SNX29: variants seen among roughly 807,000 people sequenced by gnomAD.
SNX29 encodes sorting nexin 29.
A neutral mutation model predicts 102.1 loss-of-function variants in SNX29; 78 were observed. The observed-to-expected ratio is 0.76, with a 90% CI of 0.64 to 0.92. SNX29 has a LOEUF of 0.92. Among genes scored for constraint, SNX29 ranks in the 40% least tolerant of loss-of-function variants. The pLI, the probability that SNX29 is intolerant of heterozygous loss-of-function variation, is 0.00. For missense variants in SNX29, 1,280 were observed against 1,061.7 expected, an observed-to-expected ratio of 1.21 and a Z score of -2.86; for synonymous variants, 580 against 414.5, an observed-to-expected ratio of 1.40 and a Z score of -4.85.
At chr16:12,390,021 A>C (rs922156556) in intron 16 of SNX29, among the ~76,000 whole-genome samples, 2 of 152,220 alleles carry the variant, frequency 1.3e-5, no homozygotes, top group African/African-American at 4.8e-5. Context: ...CTATATTGGT[A>C]GCTTCAGCCT....
At chr16:11,989,252 C>T (rs936917344) in intron 1 of SNX29, among the ~76,000 whole-genome samples, 2 of 152,142 alleles carry the variant, frequency 1.3e-5, no homozygotes, top group East Asian at 1.9e-4. Flanking sequence ...GGATTACAGA[C>T]GTGAGCCATG....
intron 16 of SNX29, among the ~76,000 whole-genome samples, chr16:12,395,810 G>C (rs1201932477): frequency 6.7e-6 from 1 of 148,848 alleles, no homozygotes. Flanking sequence ...ATATAAAATA[G>C]AATCAGCTCT....
At chr16:12,396,785 T>G (rs1364868559) in intron 16 of SNX29, among the ~76,000 whole-genome samples, 2 of 152,228 alleles carry the variant, frequency 1.3e-5, no homozygotes, top group African/African-American at 4.8e-5. Flanking sequence ...GGTATTTGAT[T>G]ACTTAGTAAT....
At chr16:12,540,522 A>G (rs2077283915) in intron 20 of SNX29, among the ~76,000 whole-genome samples, 1 of 152,176 alleles carries the variant, frequency 6.6e-6, no homozygotes. Context: ...GTGGGGCAGA[A>G]TTTGTTTCGC....
intron 13 of SNX29, among the ~76,000 whole-genome samples, chr16:12,157,224 A>C (rs11642867): frequency 2.6e-5 from 4 of 152,024 alleles, no homozygotes; most frequent in African/African-American, 7.3e-5. Context: ...TTGTCCCCTC[A>C]AGGTGCTGGC....
intron 15 of SNX29, among the ~76,000 whole-genome samples, chr16:12,309,011 C>A (rs2080442473): frequency 6.6e-6 from 1 of 152,178 alleles, no homozygotes; most frequent in Admixed American, 6.5e-5. Flanking sequence ...CAAAGGAAAC[C>A]TCACTTTGAG....
chr16:12,435,421 C>T (rs1306834855), intron 18 of SNX29, among the ~76,000 whole-genome samples: 1 of 152,188 alleles, frequency 6.6e-6, no homozygotes, highest in African/African-American at 2.4e-5. Context: ...AAGGGAGCAG[C>T]TCCTCCTTAG....
At chr16:12,327,697 G>A (rs142523227) in intron 15 of SNX29, among the ~76,000 whole-genome samples, 1 of 150,986 alleles carries the variant, frequency 6.6e-6, no homozygotes, top group East Asian at 2.0e-4. Flanking sequence ...TATAATAGAT[G>A]GAGTTGCTTG....
At chr16:12,567,399 C>G (rs147601383) in intron 20 of SNX29, among the ~76,000 whole-genome samples, 19 of 152,250 alleles carry the variant, frequency 1.2e-4, no homozygotes, top group African/African-American at 4.3e-4. Context: ...TATTTACTTC[C>G]TATTCAAATA....
chr16:12,151,066 A>C (rs137966149), intron 13 of SNX29, among the ~76,000 whole-genome samples: 2,105 of 152,284 alleles, frequency 0.014, 27 homozygotes, highest in Non-Finnish European at 0.021. Flanking sequence ...TTTTTAAATT[A>C]TGGAATTTTT....
chr16:12,509,450 C>T (rs1325379712), intron 19 of SNX29, among the ~76,000 whole-genome samples: 1 of 152,136 alleles, frequency 6.6e-6, no homozygotes, highest in Non-Finnish European at 1.5e-5. Flanking sequence ...GTTGGAATTC[C>T]ACAGCTCAGT....
At chr16:12,161,227 A>T (rs997651583) in intron 13 of SNX29, among the ~76,000 whole-genome samples, 4 of 152,216 alleles carry the variant, frequency 2.6e-5, no homozygotes, top group Admixed American at 6.5e-5. Context: ...TAGACAGGGA[A>T]TACCAGATGG....
chr16:12,320,857 C>T (rs1464705095), intron 15 of SNX29, among the ~76,000 whole-genome samples: 1 of 152,182 alleles, frequency 6.6e-6, no homozygotes, highest in Non-Finnish European at 1.5e-5. Context: ...TTAAGCAAAT[C>T]TGGGACCTGA....
intron 20 of SNX29, among the ~76,000 whole-genome samples, chr16:12,543,439 A>T (rs1007849007): frequency 6.6e-6 from 1 of 151,968 alleles, no homozygotes; most frequent in African/African-American, 2.4e-5. Context: ...GTGGGCAAAC[A>T]TATGTTCATG....
rs534966461 is a variant in SNX29, at chr16:12,571,225, C to T, written c.*2596C>T. Reference sequence around the variant, plus strand: ...CAAACAACTGGCAGGGTTCCCAGTTCCTGGAGTTATGGAGCAGAAACACCC... The same window carrying T: ...CAAACAACTGGCAGGGTTCCCAGTTTCTGGAGTTATGGAGCAGAAACACCC... On this transcript the variant is annotated 3_prime_UTR_variant, in exon 21 of 21. Coordinates refer to ENST00000566228, the MANE Select transcript of SNX29 (RefSeq NM_032167.5). 6.0e-5 allele frequency: 14 copies of T among 232,328 alleles called. 1 individual carries two copies. In the South Asian group the frequency reaches 1.8e-3, roughly 30 times the overall value. The allele number at this position is 232,328 out of a possible 1,614,324, so 14.4% of individuals were successfully genotyped here.
At chr16:12,466,095 T>C (rs1309701613) in intron 18 of SNX29, among the ~76,000 whole-genome samples, 1 of 152,208 alleles carries the variant, frequency 6.6e-6, no homozygotes, top group Non-Finnish European at 1.5e-5. Flanking sequence ...AAAACAACGA[T>C]GTGTACTCCT....
At chr16:11,983,421 G>A (rs1035339887) in intron 1 of SNX29, among the ~76,000 whole-genome samples, 4 of 151,876 alleles carry the variant, frequency 2.6e-5, no homozygotes, top group African/African-American at 7.3e-5. Context: ...TTTTCTCCTC[G>A]GCACTGACTG....
chr16:12,249,286 G>A (rs2078353462), intron 14 of SNX29, among the ~76,000 whole-genome samples: 1 of 152,192 alleles, frequency 6.6e-6, no homozygotes, highest in African/African-American at 2.4e-5. Flanking sequence ...GCCGAGTCCT[G>A]CCATTTTCCT....
chr16:12,389,302 G>A (rs2083443005), intron 16 of SNX29, among the ~76,000 whole-genome samples: 1 of 152,132 alleles, frequency 6.6e-6, no homozygotes, highest in African/African-American at 2.4e-5. Flanking sequence ...ATCTTGAATT[G>A]TAGCCCCCAC....
Sources: allele counts gnomAD v4.1 joint callset (sites outside exome capture counted in the v4.1 genomes callset), GRCh38; gene constraint gnomAD v4.1.1; transcripts MANE v1.5; gene names NCBI Gene and HGNC (gene_info 2026-07-23, HGNC 2026-07-21).